Variants in CNTNAP2 observed in about 807,000 individuals in gnomAD.
The protein encoded by CNTNAP2 is contactin-associated protein-like 2.
A neutral mutation model predicts 155.2 loss-of-function variants in CNTNAP2; 98 were observed. The observed-to-expected ratio is 0.63, with a 90% CI of 0.54 to 0.75. The LOEUF is 0.75. Ranked by LOEUF, CNTNAP2 falls within the 30% of genes least tolerant of loss-of-function variation. The pLI, the probability that CNTNAP2 is intolerant of heterozygous loss-of-function variation, is 0.00. For missense variants in CNTNAP2, 1,727 were observed against 1,688.1 expected (o/e 1.02, Z -0.40); for synonymous variants, 651 against 631.2 (o/e 1.03, Z -0.47).
chr7:146,396,527 T>TA (rs991469572), intron 1 of CNTNAP2, among the ~76,000 whole-genome samples: 2 of 151,914 alleles, frequency 1.3e-5, no homozygotes, highest in African/African-American at 2.4e-5. Context: ...TGGCAATTAT[T>TA]AAAAAATGAA....
chr7:146,164,543 T>C (rs1798283023), intron 1 of CNTNAP2, among the ~76,000 whole-genome samples: 3 of 152,210 alleles, frequency 2.0e-5, no homozygotes, highest in Non-Finnish European at 4.4e-5. Context: ...CAGATTTCCA[T>C]TTCCTGAACA....
At chr7:147,895,873 G>A (rs1281116633) in intron 13 of CNTNAP2, among the ~76,000 whole-genome samples, 1 of 152,172 alleles carries the variant, frequency 6.6e-6, no homozygotes, top group African/African-American at 2.4e-5. Flanking sequence ...AACCAAATTA[G>A]CCAATGCTAA....
intron 16 of CNTNAP2, among the ~76,000 whole-genome samples, chr7:148,142,105 GT>G (rs1805086253): frequency 6.6e-6 from 1 of 150,818 alleles, no homozygotes; most frequent in Admixed American, 6.6e-5. Flanking sequence ...GTGTGTGTGT[GT>G]GTGTGTGTGT....
At chr7:147,051,082 C>T (rs552858788) in intron 4 of CNTNAP2, among the ~76,000 whole-genome samples, 58 of 151,656 alleles carry the variant, frequency 3.8e-4, no homozygotes, top group Non-Finnish European at 7.9e-4. Context: ...CAAGCTATAT[C>T]CACAAAGACC....
At chr7:147,405,891 C>T (rs1227028930) in intron 10 of CNTNAP2, among the ~76,000 whole-genome samples, 5 of 151,914 alleles carry the variant, frequency 3.3e-5, no homozygotes, top group Admixed American at 2.6e-4. Flanking sequence ...ATAAAAAGGC[C>T]GGTGGATTGA....
chr7:148,407,123 A>G (rs1799719754), intron 22 of CNTNAP2, among the ~76,000 whole-genome samples: 1 of 152,120 alleles, frequency 6.6e-6, no homozygotes, highest in South Asian at 2.1e-4. Context: ...GGTTTAAAAA[A>G]GAAAGCCAAG....
chr7:147,659,632 G>A (rs1388508504), intron 13 of CNTNAP2, among the ~76,000 whole-genome samples: 1 of 152,042 alleles, frequency 6.6e-6, no homozygotes, highest in Non-Finnish European at 1.5e-5. Context: ...AATACAAATG[G>A]GAGTGACTAG....
intron 1 of CNTNAP2, among the ~76,000 whole-genome samples, chr7:146,583,621 T>C (rs1176214143): frequency 6.6e-6 from 1 of 152,146 alleles, no homozygotes; most frequent in African/African-American, 2.4e-5. Context: ...AAAAAATACA[T>C]AGTTTAAATC....
chr7:148,099,233 C>A (rs1804042252), intron 15 of CNTNAP2, among the ~76,000 whole-genome samples: 2 of 151,996 alleles, frequency 1.3e-5, no homozygotes, highest in Admixed American at 1.3e-4. Context: ...TGAGATAAAA[C>A]CTGTGTTGAA....
chr7:146,916,565 T>TTTTAATCTAGGATGG (rs1461260861), intron 3 of CNTNAP2, among the ~76,000 whole-genome samples: 2 of 152,136 alleles, frequency 1.3e-5, no homozygotes, highest in East Asian at 3.9e-4. Flanking sequence ...AGGAGGGTTG[T>TTTTAATCTAGGATGG]ATATTTCCAG....
intron 10 of CNTNAP2, among the ~76,000 whole-genome samples, chr7:147,469,581 C>T (rs1219860572): frequency 8.6e-5 from 12 of 139,156 alleles, no homozygotes; most frequent in African/African-American, 1.9e-4. Flanking sequence ...TGCAGTGGCG[C>T]GATCTCGGCT....
chr7:146,969,656 AT>A (rs1797739026), intron 3 of CNTNAP2, among the ~76,000 whole-genome samples: 1 of 151,306 alleles, frequency 6.6e-6, no homozygotes, highest in African/African-American at 2.4e-5. Context: ...TTTGGTTTCC[AT>A]TTGCTTGGTA....
chr7:147,641,694 C>T (rs1795281190), intron 13 of CNTNAP2, among the ~76,000 whole-genome samples: 2 of 151,828 alleles, frequency 1.3e-5, no homozygotes, highest in Admixed American at 1.3e-4. Flanking sequence ...GGATTGGTGG[C>T]CTCAGGAGAA....
chr7:147,362,126 A>T (rs918650258), intron 9 of CNTNAP2, among the ~76,000 whole-genome samples: 13 of 152,262 alleles, frequency 8.5e-5, no homozygotes, highest in African/African-American at 3.1e-4. Flanking sequence ...TCAGTAAAGG[A>T]GTAAGCTTTG....
chr7:147,431,120 G>A (rs1324451432), intron 10 of CNTNAP2, among the ~76,000 whole-genome samples: 3 of 151,880 alleles, frequency 2.0e-5, no homozygotes, highest in African/African-American at 7.3e-5. Flanking sequence ...AGAAGCGCAG[G>A]TCATATGGTA....
intron 8 of CNTNAP2, among the ~76,000 whole-genome samples, chr7:147,298,424 C>CA (rs957175726): frequency 3.2e-4 from 44 of 138,112 alleles, no homozygotes; most frequent in East Asian, 8.4e-4. Context: ...AACTCCATCA[C>CA]AAAAAAAAAA....
At chr7:146,492,119 A>C (rs746889854) in intron 1 of CNTNAP2, among the ~76,000 whole-genome samples, 1 of 152,066 alleles carries the variant, frequency 6.6e-6, no homozygotes, top group Non-Finnish European at 1.5e-5. Context: ...AAACAAACAA[A>C]ACTTATTTTG....
At chr7:148,323,541 C>T (rs1426989967) in intron 21 of CNTNAP2, among the ~76,000 whole-genome samples, 1 of 151,790 alleles carries the variant, frequency 6.6e-6, no homozygotes, top group Non-Finnish European at 1.5e-5. Context: ...GAATTCCTGA[C>T]ATTTGGGCCC....
chr7:147,076,936 G>A (rs1410618791), intron 4 of CNTNAP2, among the ~76,000 whole-genome samples: 3 of 152,078 alleles, frequency 2.0e-5, no homozygotes, highest in African/African-American at 7.2e-5. Context: ...CAAATGTATA[G>A]CAATAACCCC....
Sources: allele counts gnomAD v4.1 joint callset (sites outside exome capture counted in the v4.1 genomes callset), GRCh38; gene constraint gnomAD v4.1.1; transcripts MANE v1.5; gene names NCBI Gene and HGNC (gene_info 2026-07-23, HGNC 2026-07-21).